The following PCDH11X variants were observed in gnomAD, a reference collection of about 807,000 sequenced individuals.
PCDH11X encodes protocadherin-11 X-linked.
A neutral mutation model predicts 53.3 loss-of-function variants in PCDH11X; 18 were observed. The ratio of observed to expected loss-of-function variants is 0.34; its 90% CI spans 0.23 to 0.50. The LOEUF (loss-of-function observed/expected upper bound fraction) is 0.50, where lower values mean the gene tolerates loss of function less well. Ranked by LOEUF, PCDH11X falls within the 20% of genes least tolerant of loss-of-function variation. PCDH11X has a pLI of 0.98. For missense variants in PCDH11X, 570 were observed against 1,032.4 expected (o/e 0.55, Z 6.14); for synonymous variants, 279 against 393.3 (o/e 0.71, Z 3.44).
chrX:92,175,756 ATGTGTGTGTG>A (rs751094829), intron 6 of PCDH11X, among the ~76,000 whole-genome samples: 1,607 of 70,960 alleles, frequency 0.023, 38 homozygotes, highest in African/African-American at 0.072. Context: ...GTATACATAT[ATGTGTGTGTG>A]TGTGTGTGTG....
At chrX:92,246,423 G>A (rs939943852) in intron 7 of PCDH11X, among the ~76,000 whole-genome samples, 1 of 111,270 alleles carries the variant, frequency 9.0e-6, no homozygotes, top group Non-Finnish European at 1.9e-5. Flanking sequence ...CACAATCTCG[G>A]CCCGCTGCCA....
Position 92,102,433 on chromosome X carries a change from G to A in PCDH11X, c.3034-98942G>A, listed in dbSNP as rs34788950. On this transcript the variant is annotated intron_variant, in intron 6 of 10. Transcript: ENST00000682573. ...TCTTGTTTAAGAATTCTGACCGCAC[G>A]AACCATGCCTAGGAAGGAAAGGAGT... Among the ~76,000 whole-genome samples the A allele has an allele frequency of 2.5e-4, 27 of 109,291 alleles. No individual in the cohort carries two copies. The South Asian group carries it at 5.8e-3, about 24-fold the overall frequency. The allele number at this position is 109,291 out of a possible 115,157, so 94.9% of individuals were successfully genotyped here.
intron 10 of PCDH11X, among the ~76,000 whole-genome samples, chrX:92,485,400 G>T (rs1423616968): frequency 9.0e-6 from 1 of 110,864 alleles, no homozygotes; most frequent in Non-Finnish European, 1.9e-5. Flanking sequence ...GAATAATTTG[G>T]CCTTTATAAT....
chrX:92,568,753 A>AAT (rs1921830913), intron 10 of PCDH11X, among the ~76,000 whole-genome samples: 1 of 110,663 alleles, frequency 9.0e-6, no homozygotes, highest in Non-Finnish European at 1.9e-5. Context: ...TATGCAAAAA[A>AAT]AATTATAATA....
At chrX:92,085,986 A>G (rs2063943676) in intron 6 of PCDH11X, among the ~76,000 whole-genome samples, 1 of 112,098 alleles carries the variant, frequency 8.9e-6, no homozygotes, top group African/African-American at 3.2e-5. Context: ...TAGCTCATTG[A>G]TAAAACATTA....
At chrX:92,216,397 T>G (rs1462397688) in intron 7 of PCDH11X, among the ~76,000 whole-genome samples, 5 of 104,387 alleles carry the variant, frequency 4.8e-5, no homozygotes, top group Non-Finnish European at 9.8e-5. Context: ...GAGAACTATG[T>G]GAAGAATGCA....
intron 6 of PCDH11X, among the ~76,000 whole-genome samples, chrX:91,957,778 C>T (rs1437239600): frequency 2.8e-5 from 3 of 108,883 alleles, no homozygotes; most frequent in African/African-American, 1.0e-4. Flanking sequence ...AGCTGTCTGG[C>T]TGCTTTTTGG....
chrX:92,574,966 C>A (rs1176598212), intron 10 of PCDH11X, among the ~76,000 whole-genome samples: 2 of 110,252 alleles, frequency 1.8e-5, no homozygotes, highest in East Asian at 5.6e-4. Context: ...CTCAAACATA[C>A]GGTAATGCTA....
At chrX:91,782,271 G>C (rs1372243326) in intron 1 of PCDH11X, among the ~76,000 whole-genome samples, 1 of 103,589 alleles carries the variant, frequency 9.7e-6, no homozygotes, top group Non-Finnish European at 2.0e-5. Flanking sequence ...TTTAAACCCG[G>C]GGTTCAAACC....
rs377263298 is a variant in PCDH11X, at chrX:91,873,276, G to A, written c.541-3505G>A. 1.2e-3 allele frequency among the ~76,000 whole-genome samples: 134 copies of A among 109,641 alleles called. 4 individuals carry two copies. In the East Asian group the frequency reaches 0.034, roughly 28 times the overall value. ...ATGTTCTACATCTGCAGTGTCCAAC[G>A]TAGTAGCTACTGGCCACATGGAGCT... On this transcript the variant is annotated intron_variant, in intron 5 of 10. Transcript: ENST00000682573.
intron 6 of PCDH11X, among the ~76,000 whole-genome samples, chrX:92,031,088 T>C (rs1458267372): frequency 9.0e-6 from 1 of 111,490 alleles, no homozygotes; most frequent in Non-Finnish European, 1.9e-5. Context: ...GTTGTACTAA[T>C]TTACATTCCC....
intron 10 of PCDH11X, among the ~76,000 whole-genome samples, chrX:92,520,142 G>A (rs1266394374): frequency 9.1e-6 from 1 of 109,957 alleles, no homozygotes; most frequent in Non-Finnish European, 1.9e-5. Context: ...GGTATTTATA[G>A]AATAAGCATA....
chrX:91,957,391 G>A (rs753822086), intron 6 of PCDH11X, among the ~76,000 whole-genome samples: 1 of 111,166 alleles, frequency 9.0e-6, no homozygotes, highest in South Asian at 3.8e-4. Flanking sequence ...ATATCTGTGG[G>A]CTTACCTACC....
intron 8 of PCDH11X, among the ~76,000 whole-genome samples, chrX:92,375,710 C>T (rs763298171): frequency 8.5e-4 from 92 of 108,589 alleles, no homozygotes; most frequent in South Asian, 4.4e-3. Context: ...CTGCAATCTC[C>T]GCCTCCTGGG....
intron 6 of PCDH11X, among the ~76,000 whole-genome samples, chrX:92,103,657 G>A (rs1365617154): frequency 1.8e-5 from 2 of 112,001 alleles, no homozygotes; most frequent in African/African-American, 3.2e-5. Flanking sequence ...CCTGGGCTGC[G>A]GGCGTTCCTT....
chrX:91,974,403 G>A (rs891291713), intron 6 of PCDH11X, among the ~76,000 whole-genome samples: 2 of 111,772 alleles, frequency 1.8e-5, no homozygotes, highest in African/African-American at 3.3e-5. Flanking sequence ...TTTTGTAAGT[G>A]GTCAGGGTTT....
chrX:92,112,235 C>T (rs776598227), intron 6 of PCDH11X, among the ~76,000 whole-genome samples: 1 of 107,664 alleles, frequency 9.3e-6, no homozygotes, highest in Non-Finnish European at 1.9e-5. Flanking sequence ...ATAAGACATG[C>T]GTTATTTGTG....
chrX:92,008,241 T>C lies in PCDH11X; in HGVS notation c.3033+128968T>C, dbSNP rs371609553. ...ACTCACATACACGTTGCAATTCTTA[T>C]GGCCTAGACAGCCTTTCAAGTTTAC... is the stretch of plus-strand genomic sequence containing the variant. On this transcript the variant is annotated intron_variant, in intron 6 of 10. Transcript: ENST00000682573. Among the ~76,000 whole-genome samples the C allele has an allele frequency of 1.5e-3, 168 of 110,858 alleles. 4 individuals are homozygous for C. The South Asian group carries it at 0.042, about 28-fold the overall frequency.
At chrX:92,408,433 T>A in intron 9 of PCDH11X, among the ~76,000 whole-genome samples, 1 of 108,275 alleles carries the variant, frequency 9.2e-6, no homozygotes, top group Middle Eastern at 4.7e-3. Flanking sequence ...CATCTGAAAT[T>A]AATTTGCCTT....
Sources: allele counts gnomAD v4.1 joint callset (sites outside exome capture counted in the v4.1 genomes callset), GRCh38; gene constraint gnomAD v4.1.1; transcripts MANE v1.5; gene names NCBI Gene and HGNC (gene_info 2026-07-23, HGNC 2026-07-21).